Variants in PTPN9 observed in about 807,000 individuals in gnomAD.
PTPN9 encodes tyrosine-protein phosphatase non-receptor type 9.
PTPN9 carries 26 observed loss-of-function variants against 69.8 expected under a neutral mutation model. The observed-to-expected ratio is 0.37, with a 90% CI of 0.27 to 0.52. PTPN9 has a LOEUF of 0.52. PTPN9 is among the 20% of genes least tolerant of loss of function. The pLI, the probability that PTPN9 is intolerant of heterozygous loss-of-function variation, is 0.91. For missense variants in PTPN9, 549 were observed against 740.3 expected, an observed-to-expected ratio of 0.74 and a Z score of 3.00; for synonymous variants, 274 against 272.5, an observed-to-expected ratio of 1.01 and a Z score of -0.05.
At chr15:75,501,392 G>A (rs1401306358) in intron 7 of PTPN9, among the ~76,000 whole-genome samples, 2 of 151,276 alleles carry the variant, frequency 1.3e-5, no homozygotes, top group African/African-American at 4.9e-5. Flanking sequence ...GTTGGAATAT[G>A]AGGCTGGGAC....
chr15:75,480,074 A>G (rs965606813), intron 8 of PTPN9, among the ~76,000 whole-genome samples, 160 bp from the exon 9 acceptor site: 1 of 152,070 alleles, frequency 6.6e-6, no homozygotes, highest in Admixed American at 6.6e-5. Context: ...ACTTCAATAA[A>G]TGGTGCTGGG....
intron 10 of PTPN9, among the ~76,000 whole-genome samples, chr15:75,471,401 G>A (rs371678020): frequency 9.9e-5 from 15 of 152,136 alleles, no homozygotes; most frequent in East Asian, 9.6e-4. Flanking sequence ...GTAAAAGCCT[G>A]AAGTCCCAGC....
At chr15:75,490,101 C>G in intron 8 of PTPN9, 107 bp downstream of exon 8, 1 of 928,210 alleles carries the variant, frequency 1.1e-6, no homozygotes, top group Non-Finnish European at 1.7e-6. Context: ...CCTAATCTCT[C>G]TGGCCTCGGA....
intron 7 of PTPN9, among the ~76,000 whole-genome samples, chr15:75,504,519 G>A (rs1363296515): frequency 7.2e-6 from 1 of 137,942 alleles, no homozygotes; most frequent in East Asian, 2.3e-4. Context: ...GGTGGGGGGG[G>A]TCAGCCCCCC....
At chr15:75,530,644 A>T (rs1374968460) in intron 1 of PTPN9, among the ~76,000 whole-genome samples, 25 of 59,130 alleles carry the variant, frequency 4.2e-4, no homozygotes, top group South Asian at 1.5e-3. Flanking sequence ...AATATACTAT[A>T]ATATATATTA....
intron 1 of PTPN9, among the ~76,000 whole-genome samples, chr15:75,543,052 A>G (rs909089962): frequency 1.1e-4 from 14 of 123,238 alleles, no homozygotes; most frequent in Non-Finnish European, 1.4e-4. Flanking sequence ...TCCTGTGTCC[A>G]TGTGTTCTCA....
intron 7 of PTPN9, among the ~76,000 whole-genome samples, chr15:75,503,566 G>T (rs867649905): frequency 0.034 from 2,468 of 72,400 alleles, no homozygotes; most frequent in East Asian, 0.068. Flanking sequence ...CCCCCCGCCC[G>T]GCCAGCCGCT....
intron 6 of PTPN9, among the ~76,000 whole-genome samples, chr15:75,507,646 A>G (rs2141312166): frequency 6.6e-6 from 1 of 152,106 alleles, no homozygotes; most frequent in African/African-American, 2.4e-5. Flanking sequence ...ACACGCCTGT[A>G]GTCCCAGCTA....
chr15:75,576,665 G>C lies in PTPN9; in HGVS notation c.63+2049C>G, dbSNP rs369286963. On this transcript the variant is annotated intron_variant, in intron 1 of 12. Transcript: ENST00000618819. ...TCTACTAAAAATACAAAAATTAGCT[G>C]GGCATGGTGGCAGGCGCCTGTAATC... Among the ~76,000 whole-genome samples the C allele has an allele frequency of 3.3e-5, 5 of 151,868 alleles. No homozygotes were observed. The East Asian group carries it at 5.8e-4, about 18-fold the overall frequency.
intron 4 of PTPN9, among the ~76,000 whole-genome samples, chr15:75,522,817 C>T (rs569807895): frequency 1.3e-5 from 2 of 152,314 alleles, no homozygotes; most frequent in South Asian, 2.1e-4. Context: ...AGAACCAGCA[C>T]AGGTCATCTC....
chr15:75,552,448 C>T (rs969506461), intron 1 of PTPN9, among the ~76,000 whole-genome samples: 6 of 151,944 alleles, frequency 3.9e-5, no homozygotes, highest in African/African-American at 1.4e-4. Context: ...CAGTGATAAG[C>T]ATTCAGTAGA....
chr15:75,551,328 T>C (rs575858477), intron 1 of PTPN9, among the ~76,000 whole-genome samples: 3 of 152,240 alleles, frequency 2.0e-5, no homozygotes, highest in South Asian at 4.2e-4. Flanking sequence ...ACAACCAAGA[T>C]TGCAAAACCA....
intron 3 of PTPN9, among the ~76,000 whole-genome samples, chr15:75,523,579 C>T (rs1356114228): frequency 6.6e-6 from 1 of 152,116 alleles, no homozygotes; most frequent in South Asian, 2.1e-4. Context: ...CAGGAGAGAA[C>T]CAGGGAACAG....
intron 9 of PTPN9, among the ~76,000 whole-genome samples, chr15:75,476,561 C>T (rs1003504914): frequency 2.6e-5 from 4 of 152,094 alleles, no homozygotes; most frequent in Admixed American, 6.6e-5. Context: ...GTGATCTGCC[C>T]GCCTTGGCCT....
intron 8 of PTPN9, among the ~76,000 whole-genome samples, chr15:75,482,409 C>G (rs1479435788): frequency 1.3e-5 from 2 of 152,024 alleles, no homozygotes; most frequent in East Asian, 3.9e-4. Flanking sequence ...ACTAAAAATA[C>G]AAAAGATTAG....
At chr15:75,479,204 G>C (rs2074613880) in intron 9 of PTPN9, among the ~76,000 whole-genome samples, 1 of 152,196 alleles carries the variant, frequency 6.6e-6, no homozygotes, top group Non-Finnish European at 1.5e-5. Context: ...ATACTCAGGA[G>C]GCTGAGGCAG....
At chr15:75,577,031 T>C (rs2075176999) in intron 1 of PTPN9, among the ~76,000 whole-genome samples, 1 of 152,170 alleles carries the variant, frequency 6.6e-6, no homozygotes, top group Admixed American at 6.6e-5. Context: ...TTGACTTTAA[T>C]AAACATTTTG....
At position 75,464,851 on chromosome 15, in the gene PTPN9, A is replaced by T. The variant is rs2074530515; in HGVS notation, c.*3918T>A. Reference sequence around the variant, plus strand: ...CATTTACCTGCATACTGTCACATGAAGACTGATAAGGGTGGGCCTCCGAGG... The same window carrying T: ...CATTTACCTGCATACTGTCACATGATGACTGATAAGGGTGGGCCTCCGAGG... On this transcript the variant is annotated 3_prime_UTR_variant, in exon 13 of 13. Coordinates refer to ENST00000618819, the MANE Select transcript of PTPN9 (RefSeq NM_002833.4). The T allele has an allele frequency of 1.3e-5, 2 of 152,194 alleles. No homozygotes were observed. The highest frequency in any genetic ancestry group is 4.8e-5 in the African/African-American group (2 of 41,448). 9.4% of individuals were successfully genotyped at this position (152,194 alleles called of 1,614,324 possible).
chr15:75,503,001 A>G (rs1212874586), intron 7 of PTPN9, among the ~76,000 whole-genome samples: 1 of 152,166 alleles, frequency 6.6e-6, no homozygotes, highest in African/African-American at 2.4e-5. Context: ...TCCATCTCCC[A>G]GCCGCCTGCC....
Sources: gnomAD v4.1 joint callset for allele counts (sites outside exome capture counted in the v4.1 genomes callset) on GRCh38, gnomAD v4.1.1 for gene constraint, MANE v1.5 for transcripts, NCBI Gene and HGNC (gene_info 2026-07-23, HGNC 2026-07-21) for gene names.